Variants in TMIGD3 observed in about 807,000 individuals in gnomAD.
TMIGD3 encodes AD026 protein (AD026).
In TMIGD3, 21 loss-of-function variants were observed where a neutral mutation model predicts 28.1. The ratio of observed to expected loss-of-function variants is 0.75; its 90% CI spans 0.53 to 1.08. The LOEUF (loss-of-function observed/expected upper bound fraction) is 1.08, where lower values mean the gene tolerates loss of function less well. Among genes scored for constraint, TMIGD3 ranks in the 50% least tolerant of loss-of-function variants. The probability of loss-of-function intolerance (pLI) is 0.00; values close to 1 mark genes in which losing one functional copy is unlikely to be tolerated. For missense variants in TMIGD3, 416 were observed against 435.6 expected (o/e 0.96, Z 0.40); for synonymous variants, 151 against 162.1 (o/e 0.93, Z 0.52).
chr1:111,544,593 T>G (rs1656968790), intron 1 of TMIGD3, among the ~76,000 whole-genome samples: 1 of 152,196 alleles, frequency 6.6e-6, no homozygotes, highest in African/African-American at 2.4e-5. Flanking sequence ...ATTTTGTTTA[T>G]CCCCTTATCA....
At chr1:111,517,183 C>T (rs1003112941) in intron 1 of TMIGD3, among the ~76,000 whole-genome samples, 1 of 152,210 alleles carries the variant, frequency 6.6e-6, no homozygotes, top group African/African-American at 2.4e-5. Context: ...GTCTGAGGAA[C>T]CCTCGATAAA....
intron 1 of TMIGD3, among the ~76,000 whole-genome samples, chr1:111,525,982 G>T (rs1487905850): frequency 6.6e-6 from 1 of 151,982 alleles, no homozygotes; most frequent in African/African-American, 2.4e-5. Flanking sequence ...TGTGATTATT[G>T]ATATCATTGG....
intron 2 of TMIGD3, 94 bp from the exon 3 acceptor site, chr1:111,489,118 A>G (rs1654532752): frequency 8.0e-7 from 1 of 1,246,546 alleles, no homozygotes; most frequent in Non-Finnish European, 1.1e-6. Context: ...AGGATAATTA[A>G]TTAAAGAATC....
intron 1 of TMIGD3, among the ~76,000 whole-genome samples, chr1:111,544,076 T>G (rs1000038056): frequency 6.6e-6 from 1 of 152,226 alleles, no homozygotes; most frequent in Non-Finnish European, 1.5e-5. Flanking sequence ...TGAACATGTT[T>G]AAAGTCAAAT....
At chr1:111,562,045 C>T (rs1657762021) in intron 1 of TMIGD3, among the ~76,000 whole-genome samples, 1 of 152,118 alleles carries the variant, frequency 6.6e-6, no homozygotes, top group Non-Finnish European at 1.5e-5. Context: ...AATCTTTTTT[C>T]TCAACTGGGA....
intron 1 of TMIGD3, among the ~76,000 whole-genome samples, chr1:111,557,357 G>A (rs1657536701): frequency 6.6e-6 from 1 of 152,070 alleles, no homozygotes; most frequent in Non-Finnish European, 1.5e-5. Context: ...GACCATCCTG[G>A]CTAACACGGT....
intron 1 of TMIGD3, chr1:111,499,817 C>A (rs1464798663): frequency 2.7e-5 from 41 of 1,501,304 alleles, no homozygotes; most frequent in Non-Finnish European, 3.6e-5. Flanking sequence ...AATTGGGGAG[C>A]ACTGGAGATG....
At chr1:111,503,849 C>T (rs1032762310), upstream of TMIGD3, 11 of 995,624 alleles carry the variant, frequency 1.1e-5, no homozygotes, top group Admixed American at 1.1e-4. Context: ...AGAGAAGGCT[C>T]GAGACAAGAT....
intron 1 of TMIGD3, among the ~76,000 whole-genome samples, chr1:111,549,581 C>T (rs903834286): frequency 4.7e-5 from 7 of 147,476 alleles, no homozygotes; most frequent in Non-Finnish European, 7.4e-5. Context: ...ACTGAGGAGG[C>T]GGAGGTTGTG....
intron 1 of TMIGD3, among the ~76,000 whole-genome samples, chr1:111,558,310 G>A (rs912032077): frequency 6.6e-6 from 1 of 151,724 alleles, no homozygotes; most frequent in Admixed American, 6.6e-5. Context: ...CCTGAGTAGC[G>A]AGGACTACAG....
chr1:111,534,550 G>C (rs1656577606), intron 1 of TMIGD3, among the ~76,000 whole-genome samples: 1 of 152,148 alleles, frequency 6.6e-6, no homozygotes, highest in Admixed American at 6.5e-5. Flanking sequence ...ATTTTTATAA[G>C]TGTTCTCTCC....
chr1:111,521,367 T>C (rs1378857867), intron 1 of TMIGD3, among the ~76,000 whole-genome samples: 2 of 152,196 alleles, frequency 1.3e-5, no homozygotes, highest in Non-Finnish European at 2.9e-5. Flanking sequence ...TGTAAAATGA[T>C]TATATCATTT....
chr1:111,523,814 A>G (rs1170447457), intron 1 of TMIGD3, among the ~76,000 whole-genome samples: 2 of 151,872 alleles, frequency 1.3e-5, no homozygotes, highest in African/African-American at 4.8e-5. Flanking sequence ...TGCCCTTTTT[A>G]ATTCTTGATA....
chr1:111,503,004 C>T lies in TMIGD3; in HGVS notation c.350+1G>A. 1 of 1,613,188 alleles carries T rather than the reference C, an allele frequency of 6.2e-7. No individual in the cohort carries two copies. The highest frequency in any genetic ancestry group is 1.1e-5 in the South Asian group (1 of 91,066). The stretch of plus-strand genomic sequence containing the variant: ...GCTGCCCACCCCACGCCGCAGGCTA[C>T]CTGACGGTAAGCTTGACCCGCAAGT... On this transcript the variant is annotated splice_donor_variant, in intron 1 of 5. Transcript: ENST00000369716. LOFTEE classifies it high-confidence loss of function.
At chr1:111,549,618 C>G (rs1349417165) in intron 1 of TMIGD3, among the ~76,000 whole-genome samples, 2 of 150,600 alleles carry the variant, frequency 1.3e-5, no homozygotes, top group Non-Finnish European at 3.0e-5. Flanking sequence ...CCACTGCACT[C>G]CAGCCTGGGC....
At chr1:111,483,825 C>T in intron 5 of TMIGD3, 68 bp from the exon 6 acceptor site, 2 of 1,340,626 alleles carry the variant, frequency 1.5e-6, no homozygotes, top group Middle Eastern at 1.8e-4. Flanking sequence ...AGTGTTTCTG[C>T]AGCAAAAGTT....
In TMIGD3 at chr1:111,489,042, C is replaced by CA. The variant is rs755252438; in HGVS notation, c.458-19dup. On this transcript the variant is annotated intron_variant, in intron 2 of 5. Transcript: ENST00000369716. ...CATGGCATCTGTGAAAACACACACA[C>CA]ACACGCACACGTGCACACACACACA... 2 of 1,584,566 alleles carry CA rather than the reference C, an allele frequency of 1.3e-6. No homozygotes were observed. The highest frequency in any genetic ancestry group is 2.3e-5 in the South Asian group (2 of 87,520).
chr1:111,494,198 A>G (rs376039467), intron 1 of TMIGD3, among the ~76,000 whole-genome samples: 7 of 152,276 alleles, frequency 4.6e-5, no homozygotes, highest in African/African-American at 1.4e-4. Context: ...AATCAACCCA[A>G]AATGGCCAGG....
At chr1:111,519,594 A>G (rs1258375541) in intron 1 of TMIGD3, among the ~76,000 whole-genome samples, 6 of 152,194 alleles carry the variant, frequency 3.9e-5, no homozygotes, top group Non-Finnish European at 8.8e-5. Flanking sequence ...AGTTGCATAC[A>G]GGAAGACTCA....
Sources: allele counts gnomAD v4.1 joint callset (sites outside exome capture counted in the v4.1 genomes callset), GRCh38; gene constraint gnomAD v4.1.1; transcripts MANE v1.5; gene names NCBI Gene and HGNC (gene_info 2026-07-23, HGNC 2026-07-21).